Variants in RPS7 observed in about 807,000 individuals in gnomAD.
RPS7 encodes the protein small ribosomal subunit protein eS7.
RPS7 carries 1 observed loss-of-function variant against 22.1 expected under a neutral mutation model. The ratio of observed to expected loss-of-function variants is 0.05; its 90% CI spans 0.02 to 0.21. RPS7 has a LOEUF of 0.21. Ranked by LOEUF, RPS7 falls within the 10% of genes least tolerant of loss-of-function variation. RPS7 has a pLI of 1.00. For synonymous variants in RPS7, 80 were observed against 92.0 expected, an observed-to-expected ratio of 0.87 and a Z score of 0.74; for missense variants, 137 against 246.4, an observed-to-expected ratio of 0.56 and a Z score of 2.97.
At chr2:3,578,282 C>G (rs1032640971) in intron 5 of RPS7, 21 of 155,930 alleles carry the variant, frequency 1.3e-4, no homozygotes, top group African/African-American at 5.1e-4. Context: ...TGGTAGTTGT[C>G]TTCTTGAACT....
intron 5 of RPS7, chr2:3,579,694 A>C (rs111564509): frequency 2.0e-4 from 54 of 271,348 alleles, no homozygotes; most frequent in African/African-American, 1.1e-3. Context: ...TGCTTTAGAA[A>C]GATTATCTTG....
At position 3,580,058 on chromosome 2, in the gene RPS7, G is replaced by C. The variant is rs7576238; in HGVS notation, c.357-52G>C. The C allele has an allele frequency of 0.8, 1,262,413 of 1,587,806 alleles. 505,139 individuals carry two copies. Among genetic ancestry groups the C allele is most frequent in the East Asian group, 1 (44,733 of 44,760 alleles). ...ACTTAAAGAGGTGCCCTCTGGAGTT[G>C]CCCAGAGGGCAGGCGTTGCTAGGTT... On this transcript the variant is annotated intron_variant, in intron 5 of 6. Coordinates refer to ENST00000645674, the MANE Select transcript of RPS7 (RefSeq NM_001011.4).
intron 3 of RPS7, chr2:3,576,192 G>A (rs1411107199): frequency 1.7e-6 from 1 of 591,734 alleles, no homozygotes; most frequent in Non-Finnish European, 3.0e-6. Context: ...GAGCTGTGGG[G>A]AGCTCAGGAT....
At chr2:3,577,985 G>T (rs756635684) in intron 5 of RPS7, 2 of 583,636 alleles carry the variant, frequency 3.4e-6, no homozygotes, top group Non-Finnish European at 6.1e-6. Context: ...TACTAGGTCA[G>T]TGCTGTCACA....
At chr2:3,576,059 T>C (rs1356144477) in intron 3 of RPS7, 171 bp downstream of exon 3, 7 of 665,778 alleles carry the variant, frequency 1.1e-5, no homozygotes. Context: ...GTGCGGGGAG[T>C]GGGGTTGCAG....
chr2:3,577,209 G>A (rs9808287), intron 4 of RPS7: 20,608 of 175,378 alleles, frequency 0.12, 1,302 homozygotes, highest in East Asian at 0.19. Context: ...GGTGGTGGGC[G>A]CCTGTAGTCC....
chr2:3,576,961 T>C (rs2147820255), intron 4 of RPS7: 1 of 346,906 alleles, frequency 2.9e-6, no homozygotes, highest in East Asian at 7.1e-5. Flanking sequence ...CAGACTGCTG[T>C]GTTTTGAGTT....
rs1331700188 is a variant in RPS7, at chr2:3,576,647, T to G, written c.291+17T>G. 4 of 1,614,144 alleles carry G rather than the reference T, an allele frequency of 2.5e-6. No individual in the cohort carries two copies. Among genetic ancestry groups the G allele is most frequent in the Non-Finnish European group, 1.7e-6 (2 of 1,179,992 alleles). The stretch of plus-strand genomic sequence containing the variant: ...ATCGCTCAGGTATCTGTTCTACTGT[T>G]GCAGCACGTTTCTGTTTGTGAATTT... On this transcript the variant is annotated intron_variant, in intron 4 of 6. Coordinates refer to ENST00000645674, the MANE Select transcript of RPS7 (RefSeq NM_001011.4).
chr2:3,575,788 G>T (rs749847702), intron 2 of RPS7, 29 bp from the exon 3 acceptor site: 21 of 1,608,224 alleles, frequency 1.3e-5, no homozygotes, highest in Non-Finnish European at 1.7e-5. Context: ...GCGCGCTCAG[G>T]GTCGGTCCTG....
chr2:3,580,028 T>G, intron 5 of RPS7, 82 bp from the exon 6 acceptor site: 1 of 1,304,844 alleles, frequency 7.7e-7, no homozygotes. Context: ...TGCATTTTCA[T>G]TTTGACTTAA....
At chr2:3,577,567 T>C in intron 4 of RPS7, 143 bp from the exon 5 acceptor site, 2 of 671,378 alleles carry the variant, frequency 3.0e-6, no homozygotes, top group Non-Finnish European at 5.4e-6. Flanking sequence ...GCTCAGTCAA[T>C]TGTTCGTCTA....
chr2:3,577,800 T>A (rs1471203623), intron 5 of RPS7, 26 bp downstream of exon 5: 1 of 1,406,420 alleles, frequency 7.1e-7, no homozygotes, highest in East Asian at 2.3e-5. Context: ...GTTTCAGAAA[T>A]GTGTGTACCC....
chr2:3,575,380 C>G (rs1661251566), intron 1 of RPS7, 30 bp downstream of exon 1: 1 of 565,950 alleles, frequency 1.8e-6, no homozygotes, highest in Non-Finnish European at 3.1e-6. Context: ...TCCGACAGAA[C>G]TTTTCTTCTT....
intron 1 of RPS7, 70 bp from the exon 2 acceptor site, chr2:3,575,522 G>A (rs985520738): frequency 5.3e-5 from 57 of 1,074,944 alleles, no homozygotes; most frequent in Non-Finnish European, 7.1e-5. Context: ...TGGCCGGGGG[G>A]TGCGGGCGGG....
At position 3,575,678 on chromosome 2, in the gene RPS7, C is replaced by G; in HGVS notation, c.69C>G (p.Ile23Met). 1 of 1,611,406 alleles carries G rather than the reference C, an allele frequency of 6.2e-7. No homozygotes were observed. Among genetic ancestry groups the G allele is most frequent in the Non-Finnish European group, 8.5e-7 (1 of 1,179,198 alleles). The change falls in exon 2 of 7, where the codon ATC (isoleucine) becomes ATG (methionine). Residue 23 changes from isoleucine (I) to methionine (M), a missense_variant. Ile to Met is a conservative substitution (Grantham distance 10). This residue lies in a region of RPS7 where 63 missense variants were observed against 75.0 expected (regional missense o/e 0.84). Coordinates refer to ENST00000645674, the MANE Select transcript of RPS7 (RefSeq NM_001011.4). ...AGCCGGACGAGTTCGAGTCCGGCATCTCCCAGGTGAGAGGGTTTCCCTGGG... is the reference window on the plus strand; with the variant it reads ...AGCCGGACGAGTTCGAGTCCGGCATGTCCCAGGTGAGAGGGTTTCCCTGGG... ...GEKPDEFESG[I>M]SQALLELEMN...
rs11558965 is a variant in RPS7, at chr2:3,575,322, G to C, written c.-47G>C. The C allele has an allele frequency of 8.1e-6, 4 of 494,192 alleles. No individual in the cohort carries two copies. Among genetic ancestry groups the C allele is most frequent in the Non-Finnish European group, 1.4e-5 (4 of 276,858 alleles). The allele number at this position is 494,192 out of a possible 1,614,324, so 30.6% of individuals were successfully genotyped here. Reference sequence around the variant, plus strand: ...TTTTGACGTGCTCTCGCGAGATTTGGGTCTCTTCCTAAGCCGGCGCTCGGC... The same window carrying C: ...TTTTGACGTGCTCTCGCGAGATTTGCGTCTCTTCCTAAGCCGGCGCTCGGC... On this transcript the variant is annotated 5_prime_UTR_variant, in exon 1 of 7. Transcript: ENST00000645674.
At chr2:3,579,973 C>A in intron 5 of RPS7, 137 bp from the exon 6 acceptor site, 1 of 827,966 alleles carries the variant, frequency 1.2e-6, no homozygotes, top group Non-Finnish European at 2.1e-6. Flanking sequence ...ATATAACAAG[C>A]TTATTTGAAA....
Position 3,580,207 on chromosome 2 carries a change from C to T in RPS7, c.454C>T (p.Arg152Trp), listed in dbSNP as rs61740528. 4.3e-6 allele frequency: 7 copies of T among 1,613,226 alleles called. No homozygotes were observed. Among genetic ancestry groups the T allele is most frequent in the South Asian group, 1.1e-5 (1 of 91,046 alleles). Reference protein sequence around the residue: ...KRIRVKLDGSRLIKVHLDKAQ... With the variant: ...KRIRVKLDGSWLIKVHLDKAQ... ...AATCCGCGTCAAACTAGATGGCAGCCGGCTCATAAAGGTTCATTTGGACAA... is the reference window on the plus strand; with the variant it reads ...AATCCGCGTCAAACTAGATGGCAGCTGGCTCATAAAGGTTCATTTGGACAA... The change falls in exon 6 of 7, where the codon CGG becomes TGG. Residue 152 changes from arginine (R) to tryptophan (W), a missense_variant. Arg to Trp is a moderately radical substitution (Grantham distance 101). Transcript: ENST00000645674.
At chr2:3,576,142 C>T in intron 3 of RPS7, 1 of 600,540 alleles carries the variant, frequency 1.7e-6, no homozygotes, top group East Asian at 2.8e-5. Context: ...GGGCCCATTT[C>T]GGACCTTATT....
Sources: gnomAD v4.1 joint callset for allele counts on GRCh38, gnomAD v4.1.1 for gene constraint, gnomAD v4.1.1 regional missense constraint, MANE v1.5 for transcripts, NCBI Gene and HGNC (gene_info 2026-07-23, HGNC 2026-07-21) for gene names.